Variants in MGST1 observed in about 807,000 individuals in gnomAD.
MGST1 encodes the protein glutathione S-transferase 12.
Under a neutral mutation model 8.9 loss-of-function variants are expected in MGST1, and 5 were observed. The ratio of observed to expected loss-of-function variants is 0.56; its 90% confidence interval spans 0.29 to 1.19. The LOEUF is 1.19. Ranked by LOEUF, MGST1 falls within the 50% of genes most tolerant of loss-of-function variation. The pLI, the probability that MGST1 is intolerant of heterozygous loss-of-function variation, is 0.08. For missense variants in MGST1, 182 were observed against 187.4 expected (o/e 0.97, Z 0.17); for synonymous variants, 54 against 67.8 (o/e 0.80, Z 1.00).
At chr12:16,348,271 G>A (rs187154452) in intron 1 of MGST1, among the ~76,000 whole-genome samples, 1 of 152,320 alleles carries the variant, frequency 6.6e-6, no homozygotes, top group East Asian at 1.9e-4. Context: ...ACAAGAGGAT[G>A]TGGGTTAGAT....
At chr12:16,436,285 A>G (rs942635423) in intron 1 of MGST1, among the ~76,000 whole-genome samples, 2 of 151,946 alleles carry the variant, frequency 1.3e-5, no homozygotes, top group African/African-American at 4.8e-5. Flanking sequence ...TAAAACAGAC[A>G]AGGCAGGCCC....
chr12:16,393,874 T>A (rs1940575141), intron 1 of MGST1, among the ~76,000 whole-genome samples: 1 of 152,212 alleles, frequency 6.6e-6, no homozygotes, highest in Non-Finnish European at 1.5e-5. Context: ...TTTATTGTCA[T>A]TTTGTTTAGT....
chr12:16,560,651 A>C lies in MGST1; in HGVS notation n.483-28877A>C. 1.1e-6 allele frequency: 1 copy of C among 934,508 alleles called. No homozygotes were observed. The highest frequency in any genetic ancestry group is 1.6e-6 in the Non-Finnish European group (1 of 614,152). 57.9% of individuals were successfully genotyped at this position (934,508 alleles called of 1,614,324 possible). Reference sequence around the variant, plus strand: ...AAGCTACAATACACAATGCTTTATGATGTACACAAGTGGATTTTATCCTAG... The same window carrying C: ...AAGCTACAATACACAATGCTTTATGCTGTACACAAGTGGATTTTATCCTAG... On this transcript the variant is annotated intron_variant and non_coding_transcript_variant, in intron 4 of 4. Transcript: ENST00000538857. This position sits in a 1 kb window ranked among gnomAD's most constrained non-coding sequence, Gnocchi z 5.0.
chr12:16,503,245 A>T lies in MGST1; in HGVS notation n.483-86283A>T, dbSNP rs1212128832. Among the ~76,000 whole-genome samples the T allele has an allele frequency of 1.3e-5, 2 of 151,398 alleles. No homozygotes were observed. Among genetic ancestry groups the T allele is most frequent in the Non-Finnish European group, 2.9e-5 (2 of 67,930 alleles). ...GGTTGGACAGGCAATGTAAATATGG[A>T]TGGTTTCAAGGGAAGGAAAATAAGA... On this transcript the variant is annotated intron_variant and non_coding_transcript_variant, in intron 4 of 4. Transcript: ENST00000538857. The surrounding 1 kb of genome is among the most constrained non-coding windows in gnomAD (Gnocchi z 4.8).
intron 4 of MGST1, among the ~76,000 whole-genome samples, chr12:16,501,922 AATT>A (rs1941507917): frequency 6.6e-6 from 1 of 152,168 alleles, no homozygotes; most frequent in African/African-American, 2.4e-5. Context: ...AAATTCTATT[AATT>A]ATCTAAATTA....
chr12:16,592,628 C>T (rs1943529607), downstream of MGST1, among the ~76,000 whole-genome samples: 1 of 151,848 alleles, frequency 6.6e-6, no homozygotes, highest in Admixed American at 6.6e-5. Flanking sequence ...ATGTTACCAA[C>T]TTTATACATA....
rs1160645760 is a variant in MGST1 at position 16,586,391 on chromosome 12, G to A, written n.483-3137G>A. On this transcript the variant is annotated intron_variant and non_coding_transcript_variant, in intron 4 of 4. Coordinates refer to the MGST1 transcript ENST00000538857. The surrounding 1 kb of genome is among the most constrained non-coding windows in gnomAD (Gnocchi z 4.3). ...GCATGGCTGTGGCAAGGAGAGCGGA[G>A]GATCCTAATCTTCCCCAGCAAGGCT... Among the ~76,000 whole-genome samples, 15 of 152,130 alleles carry A rather than the reference G, an allele frequency of 9.9e-5. No individual in the cohort carries two copies. Among genetic ancestry groups the A allele is most frequent in the Non-Finnish European group, 2.2e-4 (15 of 68,020 alleles).
intron 1 of MGST1, among the ~76,000 whole-genome samples, chr12:16,420,648 C>A (rs1940827037): frequency 6.6e-6 from 1 of 152,094 alleles, no homozygotes; most frequent in African/African-American, 2.4e-5. Context: ...CTGGGATGAT[C>A]CTTCAGAGCT....
chr12:16,508,669 A>G (rs1186794305), intron 4 of MGST1, among the ~76,000 whole-genome samples: 1 of 152,138 alleles, frequency 6.6e-6, no homozygotes, highest in Non-Finnish European at 1.5e-5. Flanking sequence ...TAGCCTGACA[A>G]CAGTTTAATT....
intron 1 of MGST1, among the ~76,000 whole-genome samples, chr12:16,426,445 A>G (rs756276393): frequency 2.0e-5 from 3 of 152,064 alleles, no homozygotes; most frequent in Non-Finnish European, 4.4e-5. Context: ...TTTTTGTTCT[A>G]GTTGTTTTTC....
At chr12:16,524,270 AG>A (rs1941667475) in intron 4 of MGST1, among the ~76,000 whole-genome samples, 1 of 152,116 alleles carries the variant, frequency 6.6e-6, no homozygotes, top group African/African-American at 2.4e-5. Context: ...ACATTAGTGT[AG>A]GTTATTGTCT....
intron 4 of MGST1, among the ~76,000 whole-genome samples, chr12:16,494,500 TATG>T (rs1344424638): frequency 2.0e-5 from 3 of 152,190 alleles, no homozygotes; most frequent in African/African-American, 7.2e-5. Context: ...CAAACAGAAA[TATG>T]TTAATCTATA....
downstream of MGST1, among the ~76,000 whole-genome samples, chr12:16,379,944 T>G (rs1485564371): frequency 3.3e-5 from 5 of 152,220 alleles, no homozygotes; most frequent in Admixed American, 3.3e-4. Context: ...TAGAGGTGTT[T>G]GTAGTATTCT....
intron 1 of MGST1, among the ~76,000 whole-genome samples, chr12:16,387,747 C>T (rs1487247463): frequency 3.9e-5 from 6 of 152,080 alleles, no homozygotes; most frequent in South Asian, 4.1e-4. Flanking sequence ...AGGATGGTCT[C>T]GATCTCCTGA....
Position 16,537,518 on chromosome 12 carries a change from G to T in MGST1, n.483-52010G>T, listed in dbSNP as rs1048930829. Among the ~76,000 whole-genome samples, 1 of 152,178 alleles carries T rather than the reference G, an allele frequency of 6.6e-6. No individual in the cohort carries two copies. Among genetic ancestry groups the T allele is most frequent in the South Asian group, 2.1e-4 (1 of 4,830 alleles). On this transcript the variant is annotated intron_variant and non_coding_transcript_variant, in intron 4 of 4. Transcript: ENST00000538857. The surrounding 1 kb of genome is among the most constrained non-coding windows in gnomAD (Gnocchi z 4.6). ...GGCACCAACCCCACATTTCCCTTCCGCACTGCCCTAGCAGAGATTCTCCAT... is the reference window on the plus strand; with the variant it reads ...GGCACCAACCCCACATTTCCCTTCCTCACTGCCCTAGCAGAGATTCTCCAT...
intron 4 of MGST1, among the ~76,000 whole-genome samples, chr12:16,486,639 C>G (rs151181812): frequency 6.6e-6 from 1 of 152,206 alleles, no homozygotes; most frequent in African/African-American, 2.4e-5. Flanking sequence ...GACTGAATTC[C>G]TACAGGCTGG....
At chr12:16,579,412 G>A (rs955162633) in intron 4 of MGST1, among the ~76,000 whole-genome samples, 1 of 152,120 alleles carries the variant, frequency 6.6e-6, no homozygotes, top group African/African-American at 2.4e-5. Flanking sequence ...TTTTTTGGTA[G>A]GATTTACATA....
chr12:16,373,179 CAT>C (rs1286306224), intron 3 of MGST1, among the ~76,000 whole-genome samples: 1 of 151,572 alleles, frequency 6.6e-6, no homozygotes, highest in Non-Finnish European at 1.5e-5. Flanking sequence ...TGTTCTCACT[CAT>C]ATGTGGGAGC....
intron 4 of MGST1, among the ~76,000 whole-genome samples, chr12:16,495,255 A>C (rs1024725794): frequency 1.3e-5 from 2 of 152,088 alleles, no homozygotes; most frequent in Non-Finnish European, 2.9e-5. Flanking sequence ...TATAATTGGG[A>C]GCTAAACATT....
Sources: allele counts gnomAD v4.1 joint callset (sites outside exome capture counted in the v4.1 genomes callset), GRCh38; gene constraint gnomAD v4.1.1; non-coding constraint Gnocchi (gnomAD v3.1); transcripts MANE v1.5; gene names NCBI Gene and HGNC (gene_info 2026-07-23, HGNC 2026-07-21).